CPQ: variants seen among roughly 807,000 people sequenced by gnomAD.
CPQ encodes the protein carboxypeptidase Q.
A neutral mutation model predicts 45.7 loss-of-function variants in CPQ; 37 were observed. That is an observed-to-expected ratio of 0.81 (90% CI 0.62 to 1.07). The LOEUF is 1.07. Ranked by LOEUF, CPQ falls within the 50% of genes least tolerant of loss-of-function variation. The probability of loss-of-function intolerance (pLI) is 0.00; values close to 1 mark genes in which losing one functional copy is unlikely to be tolerated. For missense variants in CPQ, 537 were observed against 572.9 expected (o/e 0.94, Z 0.64); for synonymous variants, 186 against 205.8 (o/e 0.90, Z 0.82).
At chr8:96,672,669 T>C (rs1056279379) in intron 1 of CPQ, among the ~76,000 whole-genome samples, 5 of 151,846 alleles carry the variant, frequency 3.3e-5, no homozygotes, top group African/African-American at 1.2e-4. Context: ...TCCTAGATAC[T>C]CTGGAGGCTG....
At chr8:96,683,570 C>T (rs758817432) in intron 1 of CPQ, among the ~76,000 whole-genome samples, 8 of 152,010 alleles carry the variant, frequency 5.3e-5, no homozygotes, top group Non-Finnish European at 1.2e-4. Context: ...AAATCTCTTG[C>T]AAGATTTGGG....
chr8:96,990,496 G>C (rs1809071861), intron 5 of CPQ, among the ~76,000 whole-genome samples: 1 of 152,118 alleles, frequency 6.6e-6, no homozygotes, highest in Admixed American at 6.5e-5. Flanking sequence ...CTTTTGGGAG[G>C]GTAAAAGAAG....
intron 3 of CPQ, among the ~76,000 whole-genome samples, chr8:96,875,506 T>C (rs1465604555): frequency 6.6e-6 from 1 of 151,990 alleles, no homozygotes; most frequent in African/African-American, 2.4e-5. Context: ...TTTATTCTTT[T>C]GCATGTGGAT....
chr8:96,984,220 T>G (rs1385879055), intron 5 of CPQ, among the ~76,000 whole-genome samples: 1 of 152,164 alleles, frequency 6.6e-6, no homozygotes, highest in Non-Finnish European at 1.5e-5. Flanking sequence ...ATATTATTGT[T>G]GATTAGTGTT....
Position 96,907,972 on chromosome 8 carries a change from C to T in CPQ, c.849+27967C>T, listed in dbSNP as rs1480450002. The stretch of plus-strand genomic sequence containing the variant: ...AATTGGAGGCTCTGAACATTAAGAA[C>T]ATTTTCTTAAGGATCATCCAGGCAG... On this transcript the variant is annotated intron_variant, in intron 4 of 7. Coordinates refer to ENST00000220763, the MANE Select transcript of CPQ (RefSeq NM_016134.4). Among the ~76,000 whole-genome samples the T allele has an allele frequency of 2.6e-5, 4 of 152,128 alleles. No individual in the cohort carries two copies. In the East Asian group the frequency reaches 7.7e-4, roughly 29 times the overall value.
At chr8:97,003,387 A>C (rs971051098) in intron 5 of CPQ, among the ~76,000 whole-genome samples, 3 of 152,054 alleles carry the variant, frequency 2.0e-5, no homozygotes, top group African/African-American at 7.2e-5. Flanking sequence ...TTGTAGTTCT[A>C]AACCCAAATT....
chr8:97,057,629 G>A (rs1401801738), intron 6 of CPQ, among the ~76,000 whole-genome samples: 1 of 152,060 alleles, frequency 6.6e-6, no homozygotes, highest in Non-Finnish European at 1.5e-5. Flanking sequence ...AACATTTATT[G>A]TTCACCTACT....
chr8:96,780,952 A>T (rs1206303779), intron 1 of CPQ, among the ~76,000 whole-genome samples: 1 of 151,974 alleles, frequency 6.6e-6, no homozygotes, highest in African/African-American at 2.4e-5. Flanking sequence ...CTAGAGGGGG[A>T]GGAGGTTAGA....
At chr8:96,674,282 T>G (rs1465431247) in intron 1 of CPQ, among the ~76,000 whole-genome samples, 1 of 152,178 alleles carries the variant, frequency 6.6e-6, no homozygotes, top group African/African-American at 2.4e-5. Flanking sequence ...CCCCCTGTCC[T>G]TAATGATGTT....
chr8:96,999,797 C>T (rs1000575912), intron 5 of CPQ, among the ~76,000 whole-genome samples: 1 of 152,018 alleles, frequency 6.6e-6, no homozygotes, highest in Non-Finnish European at 1.5e-5. Flanking sequence ...GTCTTTAGGT[C>T]TTTGAGTAAT....
At chr8:96,885,497 C>T (rs1224830553) in intron 4 of CPQ, among the ~76,000 whole-genome samples, 1 of 152,160 alleles carries the variant, frequency 6.6e-6, no homozygotes, top group Non-Finnish European at 1.5e-5. Context: ...CCTTACATCT[C>T]ATCAACCATG....
At chr8:96,751,890 AGAGAATCCT>A (rs1810267199) in intron 1 of CPQ, among the ~76,000 whole-genome samples, 1 of 152,208 alleles carries the variant, frequency 6.6e-6, no homozygotes, top group African/African-American at 2.4e-5. Context: ...TTTATTATAA[AGAGAATCCT>A]TTCCACATTG....
intron 2 of CPQ, among the ~76,000 whole-genome samples, chr8:96,822,228 T>C (rs1201126506): frequency 1.3e-5 from 2 of 151,996 alleles, no homozygotes; most frequent in East Asian, 3.9e-4. Flanking sequence ...CAAATGACAA[T>C]ATTTCTTTTT....
At chr8:97,003,745 T>C (rs1386059241) in intron 5 of CPQ, among the ~76,000 whole-genome samples, 6 of 152,196 alleles carry the variant, frequency 3.9e-5, no homozygotes, top group Non-Finnish European at 7.3e-5. Flanking sequence ...TCACCATTCC[T>C]CACTATGCTA....
chr8:96,899,192 G>C (rs1476011211), intron 4 of CPQ, among the ~76,000 whole-genome samples: 1 of 152,172 alleles, frequency 6.6e-6, no homozygotes, highest in Admixed American at 6.5e-5. Context: ...GAAGTGATGG[G>C]AGAGTTTTGA....
At chr8:96,882,965 T>A (rs990750021) in intron 4 of CPQ, among the ~76,000 whole-genome samples, 1 of 152,188 alleles carries the variant, frequency 6.6e-6, no homozygotes, top group African/African-American at 2.4e-5. Flanking sequence ...CAGCCAGTGA[T>A]CTCCTTTCTA....
At chr8:96,869,109 A>G (rs1281941961) in intron 3 of CPQ, among the ~76,000 whole-genome samples, 1 of 152,052 alleles carries the variant, frequency 6.6e-6, no homozygotes, top group African/African-American at 2.4e-5. Flanking sequence ...TGAGCTACAA[A>G]TTAAAAATTA....
chr8:96,767,195 G>C (rs149578616), intron 1 of CPQ, among the ~76,000 whole-genome samples: 2 of 152,138 alleles, frequency 1.3e-5, no homozygotes, highest in South Asian at 4.1e-4. Context: ...AACGCACTAC[G>C]TTTAGGAAGT....
At chr8:96,665,973 G>A (rs1208876607) in intron 1 of CPQ, among the ~76,000 whole-genome samples, 1 of 152,126 alleles carries the variant, frequency 6.6e-6, no homozygotes, top group Non-Finnish European at 1.5e-5. Context: ...CCTATGATAT[G>A]GGGGCACACA....
Sources: gnomAD v4.1 joint callset for allele counts (sites outside exome capture counted in the v4.1 genomes callset) on GRCh38, gnomAD v4.1.1 for gene constraint, MANE v1.5 for transcripts, NCBI Gene and HGNC (gene_info 2026-07-23, HGNC 2026-07-21) for gene names.